Variants in ST6GALNAC3 observed in about 807,000 individuals in gnomAD.
ST6GALNAC3 encodes the protein alpha-N-acetylgalactosaminide alpha-2,6-sialyltransferase 3.
A neutral mutation model predicts 32.7 loss-of-function variants in ST6GALNAC3; 25 were observed. That is an observed-to-expected ratio of 0.76 (90% CI 0.56 to 1.07). The LOEUF (loss-of-function observed/expected upper bound fraction) is 1.07. ST6GALNAC3 is among the 50% of genes least tolerant of loss of function. The pLI, the probability that ST6GALNAC3 is intolerant of heterozygous loss-of-function variation, is 0.00. For missense variants in ST6GALNAC3, 355 were observed against 382.4 expected (o/e 0.93, Z 0.60); for synonymous variants, 129 against 133.1 (o/e 0.97, Z 0.21).
intron 1 of ST6GALNAC3, among the ~76,000 whole-genome samples, chr1:76,152,056 C>G (rs1392778335): frequency 2.6e-5 from 4 of 152,174 alleles, no homozygotes; most frequent in African/African-American, 9.7e-5. Context: ...TCCTTCCCAC[C>G]ATGGGCTCTT....
chr1:76,119,084 G>A (rs1021148367), intron 1 of ST6GALNAC3, among the ~76,000 whole-genome samples: 3 of 152,188 alleles, frequency 2.0e-5, no homozygotes, highest in African/African-American at 7.2e-5. Flanking sequence ...ACCTCCCAAA[G>A]TGCTGGGATT....
intron 3 of ST6GALNAC3, among the ~76,000 whole-genome samples, chr1:76,447,803 G>A (rs1210236156): frequency 6.6e-6 from 1 of 152,138 alleles, no homozygotes; most frequent in Non-Finnish European, 1.5e-5. Flanking sequence ...TTGAGGTTTG[G>A]GAACCTCCGC....
intron 1 of ST6GALNAC3, among the ~76,000 whole-genome samples, chr1:76,203,297 C>T (rs553705384): frequency 3.3e-5 from 5 of 152,252 alleles, no homozygotes; most frequent in South Asian, 2.1e-4. Flanking sequence ...CCCTCCTCAC[C>T]GGGTGATTCC....
At chr1:76,196,801 G>A (rs972663561) in intron 1 of ST6GALNAC3, among the ~76,000 whole-genome samples, 1 of 152,112 alleles carries the variant, frequency 6.6e-6, no homozygotes, top group African/African-American at 2.4e-5. Context: ...GGGATTCTAA[G>A]ATGCAAGGTT....
chr1:76,217,519 A>C (rs1045459475), intron 1 of ST6GALNAC3, among the ~76,000 whole-genome samples: 9 of 151,884 alleles, frequency 5.9e-5, no homozygotes, highest in African/African-American at 1.7e-4. Flanking sequence ...ACTTCTTCTT[A>C]TTATTATTAT....
chr1:76,259,425 AATATCTATCAC>A (rs1408802653), intron 1 of ST6GALNAC3, among the ~76,000 whole-genome samples: 1 of 152,168 alleles, frequency 6.6e-6, no homozygotes, highest in African/African-American at 2.4e-5. Flanking sequence ...TTCATGTGAC[AATATCTATCAC>A]ATGCAGTGTT....
chr1:76,517,912 GA>G (rs1662272207), intron 3 of ST6GALNAC3, among the ~76,000 whole-genome samples: 6 of 151,926 alleles, frequency 3.9e-5, no homozygotes, highest in Non-Finnish European at 1.5e-5. Flanking sequence ...AGAAAGTGTG[GA>G]CCATAATTTC....
chr1:76,624,380 G>A (rs1648833393), intron 3 of ST6GALNAC3, among the ~76,000 whole-genome samples: 1 of 151,862 alleles, frequency 6.6e-6, no homozygotes, highest in South Asian at 2.1e-4. Flanking sequence ...TAGATATATA[G>A]AGAAGCCACT....
At chr1:76,186,760 C>T (rs867116453) in intron 1 of ST6GALNAC3, among the ~76,000 whole-genome samples, 19 of 152,264 alleles carry the variant, frequency 1.2e-4, no homozygotes, top group Middle Eastern at 6.8e-3. Context: ...TCGTGAGGGG[C>T]CCTTCTCATG....
intron 3 of ST6GALNAC3, among the ~76,000 whole-genome samples, chr1:76,479,748 C>G (rs1470380834): frequency 3.3e-5 from 5 of 152,076 alleles, no homozygotes; most frequent in Non-Finnish European, 7.4e-5. Flanking sequence ...GATTAAGTTT[C>G]CAACAGATGA....
At chr1:76,622,332 G>A (rs1226183851) in intron 3 of ST6GALNAC3, among the ~76,000 whole-genome samples, 3 of 151,958 alleles carry the variant, frequency 2.0e-5, no homozygotes, top group African/African-American at 7.2e-5. Flanking sequence ...TGAGTTTGCT[G>A]ATTTCTAAGG....
chr1:76,537,415 C>G (rs1018548993), intron 3 of ST6GALNAC3, among the ~76,000 whole-genome samples: 5 of 151,978 alleles, frequency 3.3e-5, no homozygotes, highest in African/African-American at 9.7e-5. Context: ...ATTAAAAGAG[C>G]TAGAGAGGCA....
In ST6GALNAC3 at chr1:76,114,426, G is replaced by A. The variant is rs139054320; in HGVS notation, c.18+39542G>A. ...CCTGTCCTGAACCAGGTCCAGGGTA[G>A]TGTACATGACACCTCAGCAATAGAG... On this transcript the variant is annotated intron_variant, in intron 1 of 4. Coordinates refer to ENST00000328299, the MANE Select transcript of ST6GALNAC3 (RefSeq NM_152996.4). Among the ~76,000 whole-genome samples the A allele has an allele frequency of 1.2e-4, 18 of 152,268 alleles. No homozygotes were observed. In the East Asian group the frequency reaches 3.3e-3, roughly 28 times the overall value.
intron 3 of ST6GALNAC3, among the ~76,000 whole-genome samples, chr1:76,481,310 T>C (rs752784605): frequency 6.6e-6 from 1 of 152,168 alleles, no homozygotes; most frequent in Non-Finnish European, 1.5e-5. Flanking sequence ...TTTTTGAAAG[T>C]CTGAAAGAAA....
At chr1:76,088,449 A>G (rs1241041986) in intron 1 of ST6GALNAC3, among the ~76,000 whole-genome samples, 2 of 152,222 alleles carry the variant, frequency 1.3e-5, no homozygotes, top group African/African-American at 4.8e-5. Flanking sequence ...AATGTATTTG[A>G]AGAATTTCCA....
chr1:76,231,306 TA>T (rs199515530), intron 1 of ST6GALNAC3, among the ~76,000 whole-genome samples: 3 of 152,186 alleles, frequency 2.0e-5, no homozygotes, highest in African/African-American at 4.8e-5. Context: ...GTTTGTTTTT[TA>T]AAATTTTTTT....
At chr1:76,517,333 C>T (rs1662233281) in intron 3 of ST6GALNAC3, among the ~76,000 whole-genome samples, 1 of 151,466 alleles carries the variant, frequency 6.6e-6, no homozygotes, top group Admixed American at 6.6e-5. Context: ...GTTTTAATGT[C>T]TTATTGTTCT....
intron 3 of ST6GALNAC3, among the ~76,000 whole-genome samples, chr1:76,609,156 G>A (rs757017930): frequency 1.3e-5 from 2 of 151,868 alleles, no homozygotes; most frequent in Admixed American, 6.6e-5. Context: ...TCCCTTATTC[G>A]AATAGTTTTT....
chr1:76,596,771 C>T (rs773897421), intron 3 of ST6GALNAC3, among the ~76,000 whole-genome samples: 9 of 152,134 alleles, frequency 5.9e-5, no homozygotes, highest in Non-Finnish European at 2.9e-5. Context: ...GTAACTGTTG[C>T]TATCAATGGA....
Sources: gnomAD v4.1 joint callset for allele counts (sites outside exome capture counted in the v4.1 genomes callset) on GRCh38, gnomAD v4.1.1 for gene constraint, MANE v1.5 for transcripts, NCBI Gene and HGNC (gene_info 2026-07-23, HGNC 2026-07-21) for gene names.